ANKRD39: variants seen among roughly 807,000 people sequenced by gnomAD.
The protein encoded by ANKRD39 is ankyrin repeat domain-containing protein 39.
ANKRD39 carries 18 observed loss-of-function variants against 20.3 expected under a neutral mutation model. The observed-to-expected ratio is 0.89, with a 90% confidence interval of 0.61 to 1.32. The LOEUF is 1.32. Among genes scored for constraint, ANKRD39 ranks in the 40% most tolerant of loss-of-function variants. The probability of loss-of-function intolerance (pLI) is 0.00; values close to 1 mark genes in which losing one functional copy is unlikely to be tolerated. For missense variants in ANKRD39, 243 were observed against 250.7 expected (o/e 0.97, Z 0.21); for synonymous variants, 106 against 111.9 (o/e 0.95, Z 0.33).
chr2:96,852,140 G>T (rs79877808), intron 3 of ANKRD39, among the ~76,000 whole-genome samples: 1 of 152,112 alleles, frequency 6.6e-6, no homozygotes, highest in African/African-American at 2.4e-5. Flanking sequence ...GAGCCCAGGA[G>T]GTCGAGGCTA....
At chr2:96,856,923 G>A (rs2079868253) in intron 1 of ANKRD39, among the ~76,000 whole-genome samples, 1 of 152,178 alleles carries the variant, frequency 6.6e-6, no homozygotes, top group Admixed American at 6.6e-5. Flanking sequence ...TGGCTGCGGC[G>A]TAGTGATTGG....
intron 1 of ANKRD39, among the ~76,000 whole-genome samples, chr2:96,856,470 A>G (rs2079866012): frequency 9.3e-6 from 1 of 107,404 alleles, no homozygotes; most frequent in African/African-American, 5.5e-5. Context: ...CTCCATCTCA[A>G]AAAAAAAAAA....
rs147578390 is a variant in ANKRD39 at position 96,848,368 on chromosome 2, C to A, written c.485G>T (p.Arg162Leu). 6.2e-7 allele frequency: 1 copy of A among 1,614,184 alleles called. No individual in the cohort carries two copies. The highest frequency in any genetic ancestry group is 1.1e-5 in the South Asian group (1 of 91,080). The change falls in exon 4 of 4, where the codon CGA (arginine) becomes CTA (leucine). Residue 162 changes from arginine to leucine, a missense_variant. Coordinates refer to ENST00000393537, the MANE Select transcript of ANKRD39 (RefSeq NM_016466.6). ...CAGGTCACATGCTAGCCGTGCCTTTCGGTCCCGGATGGCCTTCAGGGCTGG... is the reference window on the plus strand; with the variant it reads ...CAGGTCACATGCTAGCCGTGCCTTTAGGTCCCGGATGGCCTTCAGGGCTGG... ...HSPALKAIRD[R>L]KARLACDLLP...
chr2:96,857,737 G>T, intron 1 of ANKRD39, 151 bp downstream of exon 1: 1 of 815,024 alleles, frequency 1.2e-6, no homozygotes, highest in Non-Finnish European at 1.9e-6. Context: ...CAGTACACGG[G>T]AACCGTGGGT....
chr2:96,853,419 G>A lies in ANKRD39; in HGVS notation c.390C>T (p.Gly130=). 1 of 1,581,174 alleles carries A rather than the reference G, an allele frequency of 6.3e-7. No homozygotes were observed. Among genetic ancestry groups the A allele is most frequent in the Non-Finnish European group, 8.6e-7 (1 of 1,163,746 alleles). Residue 130 remains glycine, a synonymous_variant, in exon 3 of 4, where the codon GGC becomes GGT. Coordinates refer to ENST00000393537, the MANE Select transcript of ANKRD39 (RefSeq NM_016466.6). The stretch of plus-strand genomic sequence containing the variant: ...GGCCCACCTTATGCAGACTGGTCAT[G>A]CCGTCGTCATCCACCACCCTGGGGT... ...GSNPRVVDDD[G]MTSLHKAAER...
intron 3 of ANKRD39, among the ~76,000 whole-genome samples, chr2:96,849,963 C>T (rs1336922939): frequency 6.6e-6 from 1 of 152,192 alleles, no homozygotes; most frequent in Admixed American, 6.5e-5. Context: ...CAAAATAGCC[C>T]TCACAGGCAA....
intron 1 of ANKRD39, among the ~76,000 whole-genome samples, chr2:96,856,592 G>C (rs1376073236): frequency 6.6e-6 from 1 of 152,036 alleles, no homozygotes; most frequent in African/African-American, 2.4e-5. Context: ...TTATTGTAGC[G>C]AGCTGTCCTG....
At chr2:96,851,902 T>C (rs910705690) in intron 3 of ANKRD39, among the ~76,000 whole-genome samples, 1 of 151,884 alleles carries the variant, frequency 6.6e-6, no homozygotes, top group African/African-American at 2.4e-5. Context: ...TTCAAGAAAA[T>C]TAAAATGGCT....
intron 3 of ANKRD39, among the ~76,000 whole-genome samples, chr2:96,849,012 C>T (rs773253854): frequency 2.0e-5 from 3 of 152,188 alleles, no homozygotes; most frequent in African/African-American, 7.2e-5. Context: ...AAAACAAGTA[C>T]AGCACCTTGT....
Position 96,857,978 on chromosome 2 carries a change from G to A in ANKRD39, c.10C>T (p.Pro4Ser). 6.5e-7 allele frequency: 1 copy of A among 1,539,266 alleles called. No homozygotes were observed. The highest frequency in any genetic ancestry group is 1.2e-5 in the South Asian group (1 of 83,518). The change falls in exon 1 of 4, where the codon CCT becomes TCT. Residue 4 changes from proline (P) to serine (S), a missense_variant. Pro to Ser is a moderately conservative substitution (Grantham distance 74). Transcript: ENST00000393537. MAT[P>S]RPCADGPCCS... ...CAGGGCCCGTCCGCGCAGGGCCGAG[G>A]CGTCGCCATCCCGGCCCCGGCGTCA... is the stretch of plus-strand genomic sequence containing the variant.
At chr2:96,855,596 G>A (rs1008398451) in intron 1 of ANKRD39, among the ~76,000 whole-genome samples, 11 of 151,892 alleles carry the variant, frequency 7.2e-5, no homozygotes, top group Non-Finnish European at 1.2e-4. Context: ...GGTGGCACGC[G>A]CCTGTAGTCC....
chr2:96,848,134 T>C lies in ANKRD39; in HGVS notation c.*167A>G, dbSNP rs1234919830. ...ATCATCTGTCCAGTCTTAAACACTTTTAGCCACACCAAATCTACTCCCTCG... is the reference window on the plus strand; with the variant it reads ...ATCATCTGTCCAGTCTTAAACACTTCTAGCCACACCAAATCTACTCCCTCG... On this transcript the variant is annotated 3_prime_UTR_variant, in exon 4 of 4. Transcript: ENST00000393537. The C allele has an allele frequency of 2.4e-6, 2 of 832,816 alleles. No homozygotes were observed. The highest frequency in any genetic ancestry group is 2.9e-5 in the Admixed American group (1 of 34,442). 51.6% of individuals were successfully genotyped at this position (832,816 alleles called of 1,614,324 possible).
intron 3 of ANKRD39, among the ~76,000 whole-genome samples, chr2:96,852,974 G>A (rs984016830): frequency 4.6e-5 from 7 of 152,220 alleles, no homozygotes; most frequent in African/African-American, 1.7e-4. Flanking sequence ...GGGATGAGGA[G>A]CTGGGTGGGA....
At chr2:96,850,858 G>A (rs1559024755) in intron 3 of ANKRD39, among the ~76,000 whole-genome samples, 2 of 152,136 alleles carry the variant, frequency 1.3e-5, no homozygotes, top group Non-Finnish European at 1.5e-5. Flanking sequence ...GCAGTAAAAC[G>A]TCTGAGCAAC....
Position 96,853,431 on chromosome 2 carries a change from C to T in ANKRD39, c.378G>A (p.Val126=), listed in dbSNP as rs1340238976. Residue 126 remains valine, a synonymous_variant, in exon 3 of 4, where the codon GTG becomes GTA. Transcript: ENST00000393537. ...LLSHGSNPRV[V]DDDGMTSLHK... ...GCAGACTGGTCATGCCGTCGTCATC[C>T]ACCACCCTGGGGTTGGACCCATGTG... The T allele has an allele frequency of 1.9e-6, 3 of 1,589,266 alleles. No homozygotes were observed.
intron 1 of ANKRD39, 99 bp downstream of exon 1, chr2:96,857,789 A>T: frequency 1.6e-6 from 2 of 1,281,416 alleles, no homozygotes; most frequent in Non-Finnish European, 2.1e-6. Context: ...CCCAAGCCCC[A>T]AGCTCTCGGG....
At chr2:96,855,370 G>C (rs1341265922) in intron 1 of ANKRD39, among the ~76,000 whole-genome samples, 1 of 152,160 alleles carries the variant, frequency 6.6e-6, no homozygotes, top group Non-Finnish European at 1.5e-5. Flanking sequence ...GAGTACTGCA[G>C]ACCTAGTCAA....
Position 96,853,501 on chromosome 2 carries a change from C to T in ANKRD39, c.308G>A (p.Arg103Gln), listed in dbSNP as rs375958877. ...TTCAGTGTGCCCGCAGTAGCTGGCTCGGTGCAGAGCAGTGGCACCCCCGTG... is the reference window on the plus strand; with the variant it reads ...TTCAGTGTGCCCGCAGTAGCTGGCTTGGTGCAGAGCAGTGGCACCCCCGTG... ...QTHGGATALH[R>Q]ASYCGHTEIA... The change falls in exon 3 of 4, where the codon CGA becomes CAA. Residue 103 changes from arginine to glutamine, a missense_variant. Coordinates refer to ENST00000393537, the MANE Select transcript of ANKRD39 (RefSeq NM_016466.6). 14 of 1,612,952 alleles carry T rather than the reference C, an allele frequency of 8.7e-6. No homozygotes were observed. The East Asian group carries it at 1.1e-4, about 13-fold the overall frequency.
intron 1 of ANKRD39, among the ~76,000 whole-genome samples, chr2:96,856,928 GAT>G (rs1317837028): frequency 9.9e-5 from 15 of 152,228 alleles, no homozygotes; most frequent in Admixed American, 9.8e-4. Flanking sequence ...GCGGCGTAGT[GAT>G]TGGGGGAAGA....
Sources: allele counts gnomAD v4.1 joint callset (sites outside exome capture counted in the v4.1 genomes callset), GRCh38; gene constraint gnomAD v4.1.1; transcripts MANE v1.5; gene names NCBI Gene and HGNC (gene_info 2026-07-23, HGNC 2026-07-21).